The following MSRA variants were observed in gnomAD, a reference collection of about 807,000 sequenced individuals.
The protein encoded by MSRA is mitochondrial peptide methionine sulfoxide reductase.
A neutral mutation model predicts 31.3 loss-of-function variants in MSRA; 54 were observed. The observed-to-expected ratio is 1.73, with a 90% confidence interval of 1.39 to 2.17. The LOEUF is 2.17. MSRA is among the 30% of genes most tolerant of loss of function. MSRA has a pLI of 0.00. For synonymous variants in MSRA, 169 were observed against 116.5 expected (o/e 1.45, Z -2.90); for missense variants, 507 against 300.9 (o/e 1.69, Z -5.07).
intron 3 of MSRA, among the ~76,000 whole-genome samples, chr8:10,296,579 G>T (rs1208126972): frequency 6.6e-6 from 1 of 152,146 alleles, no homozygotes; most frequent in Non-Finnish European, 1.5e-5. Context: ...ATGTCATCAC[G>T]GCTGATTAGA....
intron 3 of MSRA, among the ~76,000 whole-genome samples, chr8:10,254,046 C>T (rs1255251826): frequency 6.6e-6 from 1 of 152,042 alleles, no homozygotes; most frequent in Non-Finnish European, 1.5e-5. Flanking sequence ...GCCGGGGACT[C>T]CTCAGCCTGG....
At chr8:10,358,294 A>T (rs917226541) in intron 5 of MSRA, among the ~76,000 whole-genome samples, 3 of 152,198 alleles carry the variant, frequency 2.0e-5, no homozygotes, top group Non-Finnish European at 4.4e-5. Context: ...TCCCGTAATT[A>T]TTACAATAGT....
intron 1 of MSRA, among the ~76,000 whole-genome samples, chr8:10,199,994 G>T (rs764102851): frequency 6.6e-6 from 1 of 152,144 alleles, no homozygotes; most frequent in African/African-American, 2.4e-5. Flanking sequence ...GTGCTGGCTG[G>T]GCTTTCAGCC....
chr8:10,299,513 G>A (rs944491651), intron 3 of MSRA, among the ~76,000 whole-genome samples: 7 of 151,930 alleles, frequency 4.6e-5, no homozygotes, highest in Admixed American at 4.6e-4. Flanking sequence ...TAACTTGAAT[G>A]ACTATAGTAT....
intron 5 of MSRA, among the ~76,000 whole-genome samples, chr8:10,369,876 A>T (rs1484996455): frequency 6.6e-6 from 1 of 152,250 alleles, no homozygotes; most frequent in Non-Finnish European, 1.5e-5. Flanking sequence ...CTTATAGCAG[A>T]TAAAAGAGGA....
rs759485288 is a variant in MSRA, at chr8:10,054,482, GTCCCC to G, written c.-34_-30del. The G allele has an allele frequency of 8.0e-6, 12 of 1,508,900 alleles. 1 individual carries two copies. Among genetic ancestry groups the G allele is most frequent in the Non-Finnish European group, 8.9e-7 (1 of 1,122,994 alleles). 93.5% of individuals were successfully genotyped at this position (1,508,900 alleles called of 1,614,324 possible). On this transcript the variant is annotated 5_prime_UTR_variant, in exon 1 of 6. Transcript: ENST00000317173. ...CTGCGGCTCCGCTGCCGGTAGCGCC[GTCCCC>G]CGGGACCACCCTTCGGCTGGCGCCC...
chr8:10,128,785 A>G (rs1237397625), intron 1 of MSRA, among the ~76,000 whole-genome samples: 1 of 152,236 alleles, frequency 6.6e-6, no homozygotes, highest in Non-Finnish European at 1.5e-5. Flanking sequence ...GGTACTCTTC[A>G]TGACCTCATC....
intron 4 of MSRA, among the ~76,000 whole-genome samples, chr8:10,312,837 A>C (rs1192005069): frequency 6.6e-6 from 1 of 152,234 alleles, no homozygotes; most frequent in South Asian, 2.1e-4. Flanking sequence ...TACTGAATAC[A>C]ATTCAGTATT....
At chr8:10,204,486 C>G (rs1177669143) in intron 1 of MSRA, among the ~76,000 whole-genome samples, 2 of 152,254 alleles carry the variant, frequency 1.3e-5, no homozygotes, top group South Asian at 4.1e-4. Flanking sequence ...ATCTAGATCA[C>G]AAATACTTAT....
chr8:10,371,240 A>G (rs1805456941), intron 5 of MSRA, among the ~76,000 whole-genome samples: 1 of 152,194 alleles, frequency 6.6e-6, no homozygotes, highest in East Asian at 1.9e-4. Context: ...GAAGGGAAGT[A>G]GTGAGCCATC....
chr8:10,207,321 C>G (rs923477302), intron 1 of MSRA, among the ~76,000 whole-genome samples: 1 of 152,170 alleles, frequency 6.6e-6, no homozygotes, highest in African/African-American at 2.4e-5. Flanking sequence ...CCTGGGTGAA[C>G]AGTGCTTGTA....
intron 5 of MSRA, among the ~76,000 whole-genome samples, chr8:10,331,429 C>T (rs969054207): frequency 7.2e-5 from 11 of 152,156 alleles, no homozygotes; most frequent in African/African-American, 2.4e-4. Context: ...GGTGCTTTCT[C>T]CTGTATTTTG....
chr8:10,219,109 A>G (rs956886166), intron 2 of MSRA, among the ~76,000 whole-genome samples: 1 of 152,162 alleles, frequency 6.6e-6, no homozygotes, highest in Admixed American at 6.5e-5. Context: ...TTGCTTCTAG[A>G]TGTGCAATGC....
chr8:10,061,930 A>G (rs1197687766), intron 1 of MSRA, among the ~76,000 whole-genome samples: 1 of 152,224 alleles, frequency 6.6e-6, no homozygotes, highest in Admixed American at 6.5e-5. Context: ...CATTAAGCTC[A>G]GTGCAGTCCA....
chr8:10,374,488 G>T (rs994423391), intron 5 of MSRA, among the ~76,000 whole-genome samples: 4 of 152,182 alleles, frequency 2.6e-5, no homozygotes, highest in African/African-American at 9.7e-5. Context: ...TATGAGTCCA[G>T]TATTGCAGAA....
intron 4 of MSRA, among the ~76,000 whole-genome samples, chr8:10,303,093 G>C (rs1264796757): frequency 3.3e-5 from 5 of 152,250 alleles, no homozygotes. Flanking sequence ...TCAAGGGTCA[G>C]AGGAAGATGA....
chr8:10,330,745 C>G (rs1012891867), intron 5 of MSRA, among the ~76,000 whole-genome samples: 14 of 152,248 alleles, frequency 9.2e-5, no homozygotes, highest in African/African-American at 3.4e-4. Flanking sequence ...TGTGTGTCCC[C>G]AGTGCCTGGT....
At chr8:10,191,510 T>C (rs1807502616) in intron 1 of MSRA, among the ~76,000 whole-genome samples, 1 of 152,196 alleles carries the variant, frequency 6.6e-6, no homozygotes, top group African/African-American at 2.4e-5. Context: ...TGAATAAAAA[T>C]TGCCAGAATT....
intron 3 of MSRA, among the ~76,000 whole-genome samples, chr8:10,263,264 A>G (rs759100149): frequency 6.6e-5 from 10 of 152,134 alleles, no homozygotes; most frequent in Non-Finnish European, 1.3e-4. Context: ...TGGCCTCACC[A>G]TTCTCCCAGT....
Sources: allele counts gnomAD v4.1 joint callset (sites outside exome capture counted in the v4.1 genomes callset), GRCh38; gene constraint gnomAD v4.1.1; transcripts MANE v1.5; gene names NCBI Gene and HGNC (gene_info 2026-07-23, HGNC 2026-07-21).